Variants in TRDN observed in about 807,000 individuals in gnomAD.
TRDN encodes the protein triadin, also known as triadin in skeletal muscle.
In TRDN, 161 loss-of-function variants were observed where a neutral mutation model predicts 149.7. The observed-to-expected ratio is 1.08, with a 90% confidence interval of 0.95 to 1.23. TRDN has a LOEUF of 1.23. Ranked by LOEUF, TRDN falls within the 50% of genes most tolerant of loss-of-function variation. The probability of loss-of-function intolerance (pLI) is 0.00; values close to 1 mark genes in which losing one functional copy is unlikely to be tolerated. For synonymous variants in TRDN, 294 were observed against 250.5 expected (o/e 1.17, Z -1.64); for missense variants, 896 against 823.5 (o/e 1.09, Z -1.08).
chr6:123,302,399 C>T (rs1318287176), intron 24 of TRDN, among the ~76,000 whole-genome samples: 1 of 151,944 alleles, frequency 6.6e-6, no homozygotes, highest in Non-Finnish European at 1.5e-5. Flanking sequence ...ACAGGTAAGC[C>T]ATTGATCCTT....
At chr6:123,400,559 G>A (rs1023110352) in intron 12 of TRDN, among the ~76,000 whole-genome samples, 2 of 152,104 alleles carry the variant, frequency 1.3e-5, no homozygotes, top group African/African-American at 2.4e-5. Flanking sequence ...AGGAGATGGA[G>A]CTCAGGCTGT....
intron 9 of TRDN, among the ~76,000 whole-genome samples, chr6:123,492,420 TA>T (rs960478388): frequency 7.9e-5 from 12 of 152,310 alleles, no homozygotes; most frequent in African/African-American, 2.6e-4. Context: ...TTAGTGAATA[TA>T]AAGAGGTCTG....
In TRDN at chr6:123,516,173, T is replaced by C; in HGVS notation, c.518A>G (p.Lys173Arg). The C allele has an allele frequency of 6.7e-7, 1 of 1,491,188 alleles. No individual in the cohort carries two copies. The highest frequency in any genetic ancestry group is 9.0e-7 in the Non-Finnish European group (1 of 1,108,324). 92.4% of individuals were successfully genotyped at this position (1,491,188 alleles called of 1,614,324 possible). ...TTCAGGTTTTTCTTTTTCTCTTACTTTTTCTTTTCCTTTTTCTTTTTCTTT... is the reference window on the plus strand; with the variant it reads ...TTCAGGTTTTTCTTTTTCTCTTACTCTTTCTTTTCCTTTTTCTTTTTCTTT... ...THKEKEKGKE[K>R]VREKEKPEKK... The change falls in exon 6 of 41, where the codon AAA (lysine) becomes AGA (arginine). Residue 173 changes from lysine (K) to arginine (R), a missense_variant. Physicochemically the swap from Lys to Arg is conservative, Grantham distance 26. Coordinates refer to ENST00000334268, the MANE Select transcript of TRDN (RefSeq NM_006073.4).
chr6:123,533,143 T>C (rs1780331711), intron 4 of TRDN, among the ~76,000 whole-genome samples: 1 of 152,080 alleles, frequency 6.6e-6, no homozygotes, highest in Non-Finnish European at 1.5e-5. Context: ...AATTGGAATA[T>C]AGAGATGGCA....
chr6:123,546,785 A>G (rs1206380822), intron 4 of TRDN, among the ~76,000 whole-genome samples: 2 of 151,952 alleles, frequency 1.3e-5, no homozygotes, highest in African/African-American at 4.8e-5. Context: ...TCCTGCAAGT[A>G]ATTCCTCTAC....
chr6:123,496,718 C>G (rs1778465241), intron 9 of TRDN, among the ~76,000 whole-genome samples: 2 of 151,956 alleles, frequency 1.3e-5, no homozygotes, highest in South Asian at 4.1e-4. Context: ...ATCAATAGTT[C>G]TTTGGAGTGG....
At chr6:123,265,448 C>T (rs1776909003) in intron 32 of TRDN, 110 bp from the exon 33 acceptor site, 1 of 635,170 alleles carries the variant, frequency 1.6e-6, no homozygotes, top group African/African-American at 1.9e-5. Flanking sequence ...AAAAATAAGA[C>T]TAAACTTATA....
At chr6:123,352,670 A>G in intron 20 of TRDN, 84 bp from the exon 21 acceptor site, 1 of 1,505,460 alleles carries the variant, frequency 6.6e-7, no homozygotes, top group Non-Finnish European at 8.9e-7. Flanking sequence ...GAGTTCTTTC[A>G]ATGCTAAATC....
intron 8 of TRDN, among the ~76,000 whole-genome samples, chr6:123,501,009 T>A (rs1015919358): frequency 6.6e-6 from 1 of 152,088 alleles, no homozygotes; most frequent in Non-Finnish European, 1.5e-5. Flanking sequence ...CAACTCTTCC[T>A]ACTCTACAAA....
intron 26 of TRDN, among the ~76,000 whole-genome samples, chr6:123,276,540 T>A (rs1456214344): frequency 1.3e-5 from 2 of 152,170 alleles, no homozygotes; most frequent in Non-Finnish European, 2.9e-5. Flanking sequence ...AACTGGCACT[T>A]ACTGATTTGA....
intron 12 of TRDN, among the ~76,000 whole-genome samples, chr6:123,436,487 TA>T (rs1774568046): frequency 6.6e-6 from 1 of 152,146 alleles, no homozygotes; most frequent in Non-Finnish European, 1.5e-5. Context: ...ACATTTTTTC[TA>T]CCCCATTTAT....
intron 10 of TRDN, among the ~76,000 whole-genome samples, chr6:123,454,596 C>T (rs575217346): frequency 6.6e-6 from 1 of 152,296 alleles, no homozygotes; most frequent in Non-Finnish European, 1.5e-5. Flanking sequence ...GGTCCCCAAC[C>T]CCTGTGCTGC....
chr6:123,311,885 C>G lies in TRDN; in HGVS notation c.1510+4572G>C, dbSNP rs1778839419. Among the ~76,000 whole-genome samples the G allele has an allele frequency of 2.0e-5, 3 of 151,838 alleles. No homozygotes were observed. The Admixed American group carries it at 2.0e-4, about 10-fold the overall frequency. ...TCAATCAAAAAAATCATGAAATAGACAGTAGATATGGCAAAAAAGGTGGGA... is the reference window on the plus strand; with the variant it reads ...TCAATCAAAAAAATCATGAAATAGAGAGTAGATATGGCAAAAAAGGTGGGA... On this transcript the variant is annotated intron_variant, in intron 24 of 40. Coordinates refer to ENST00000334268, the MANE Select transcript of TRDN (RefSeq NM_006073.4).
chr6:123,298,263 G>A (rs192222756), intron 24 of TRDN, among the ~76,000 whole-genome samples: 5 of 152,026 alleles, frequency 3.3e-5, no homozygotes, highest in Admixed American at 3.3e-4. Context: ...AAGATATCTC[G>A]AGTATGACCC....
At chr6:123,451,713 T>G (rs956943745) in intron 10 of TRDN, among the ~76,000 whole-genome samples, 3 of 152,008 alleles carry the variant, frequency 2.0e-5, no homozygotes, top group South Asian at 4.1e-4. Flanking sequence ...TTCCACAAGA[T>G]AGAGAAATAA....
intron 5 of TRDN, chr6:123,529,259 T>C (rs560860837): frequency 1.9e-6 from 3 of 1,548,892 alleles, no homozygotes; most frequent in Admixed American, 2.0e-5. Flanking sequence ...CATGGTTCGC[T>C]TAGTCAATCC....
At position 123,273,026 on chromosome 6, in the gene TRDN, A is replaced by G; in HGVS notation, c.1625-15T>C. 1 of 1,478,908 alleles carries G rather than the reference A, an allele frequency of 6.8e-7. No individual in the cohort carries two copies. The highest frequency in any genetic ancestry group is 9.0e-7 in the Non-Finnish European group (1 of 1,111,908). The allele number at this position is 1,478,908 out of a possible 1,614,324, so 91.6% of individuals were successfully genotyped here. On this transcript the variant is annotated splice_polypyrimidine_tract_variant and intron_variant, in intron 28 of 40. Coordinates refer to ENST00000334268, the MANE Select transcript of TRDN (RefSeq NM_006073.4). The stretch of plus-strand genomic sequence containing the variant: ...TATGTCTTGTTCTGAAAATAATAAA[A>G]AGAAAATCTTTTTTAGGTATTTAGA...
chr6:123,236,358 T>A (rs1240198594), intron 38 of TRDN, among the ~76,000 whole-genome samples: 1 of 152,204 alleles, frequency 6.6e-6, no homozygotes, highest in African/African-American at 2.4e-5. Context: ...TAAAATTAAT[T>A]TTAACTAACA....
intron 8 of TRDN, among the ~76,000 whole-genome samples, chr6:123,501,524 T>A (rs1022261171): frequency 3.9e-5 from 6 of 152,062 alleles, no homozygotes; most frequent in Admixed American, 1.3e-4. Context: ...TGTAATTAGT[T>A]TTCTTTAATT....
Sources: gnomAD v4.1 joint callset for allele counts (sites outside exome capture counted in the v4.1 genomes callset) on GRCh38, gnomAD v4.1.1 for gene constraint, MANE v1.5 for transcripts, NCBI Gene and HGNC (gene_info 2026-07-23, HGNC 2026-07-21) for gene names.